AKT3: variants seen among roughly 807,000 people sequenced by gnomAD.
AKT3 encodes the protein RAC-gamma serine/threonine-protein kinase.
A neutral mutation model predicts 65.3 loss-of-function variants in AKT3; 15 were observed. That is an observed-to-expected ratio of 0.23 (90% CI 0.15 to 0.35). The LOEUF (loss-of-function observed/expected upper bound fraction) is 0.35, where lower values mean the gene tolerates loss of function less well. Among genes scored for constraint, AKT3 ranks in the 10% least tolerant of loss-of-function variants. The pLI, the probability that AKT3 is intolerant of heterozygous loss-of-function variation, is 1.00. For synonymous variants in AKT3, 206 were observed against 183.8 expected (o/e 1.12, Z -0.98); for missense variants, 243 against 576.5 (o/e 0.42, Z 5.92).
intron 6 of AKT3, among the ~76,000 whole-genome samples, chr1:243,616,088 G>A (rs1326015779): frequency 3.3e-5 from 5 of 151,438 alleles, no homozygotes; most frequent in Non-Finnish European, 7.4e-5. Context: ...GGTTTTTGGG[G>A]AGCAGGTGGT....
rs1467470573 is a variant in AKT3, at chr1:243,529,171, T to C, written c.1251+16339A>G. Among the ~76,000 whole-genome samples the C allele has an allele frequency of 2.0e-5, 3 of 151,828 alleles. No homozygotes were observed. The East Asian group carries it at 5.8e-4, about 29-fold the overall frequency. Reference sequence around the variant, plus strand: ...AGCTTTTTTTTTTTTTTTTGTAAATTTGTTTAAATTCCTTATAGATTCTGA... The same window carrying C: ...AGCTTTTTTTTTTTTTTTTGTAAATCTGTTTAAATTCCTTATAGATTCTGA... On this transcript the variant is annotated intron_variant, in intron 12 of 13. Coordinates refer to ENST00000673466, the MANE Select transcript of AKT3 (RefSeq NM_005465.7).
At chr1:243,783,866 GTAT>G (rs573433150) in intron 2 of AKT3, among the ~76,000 whole-genome samples, 7 of 152,064 alleles carry the variant, frequency 4.6e-5, no homozygotes, top group Non-Finnish European at 8.8e-5. Context: ...AATTATGCTA[GTAT>G]TATAAATAAA....
chr1:243,513,588 A>G (rs1670155271), intron 12 of AKT3, among the ~76,000 whole-genome samples: 1 of 152,226 alleles, frequency 6.6e-6, no homozygotes, highest in South Asian at 2.1e-4. Flanking sequence ...GAGCAGAATT[A>G]AAAGCAGGTT....
intron 13 of AKT3, among the ~76,000 whole-genome samples, chr1:243,491,919 C>G (rs913360305): frequency 6.6e-6 from 1 of 152,176 alleles, no homozygotes; most frequent in Admixed American, 6.5e-5. Context: ...TTTTGCATGT[C>G]AAACTCTAAA....
chr1:243,679,280 T>C (rs548074135), intron 3 of AKT3, among the ~76,000 whole-genome samples: 1 of 152,282 alleles, frequency 6.6e-6, no homozygotes, highest in South Asian at 2.1e-4. Context: ...ACAAGGATGT[T>C]TGACTACACA....
chr1:243,660,885 A>G (rs1230913285), intron 4 of AKT3, among the ~76,000 whole-genome samples: 1 of 152,194 alleles, frequency 6.6e-6, no homozygotes, highest in East Asian at 1.9e-4. Context: ...AAATCAATGT[A>G]CAGAAATCAC....
At chr1:243,708,999 T>C (rs1381999769) in intron 2 of AKT3, among the ~76,000 whole-genome samples, 3 of 152,008 alleles carry the variant, frequency 2.0e-5, no homozygotes, top group Non-Finnish European at 4.4e-5. Flanking sequence ...GGATTATCCA[T>C]TCTAGAATCT....
chr1:243,608,999 G>A (rs1375906575), intron 8 of AKT3, among the ~76,000 whole-genome samples: 2 of 151,462 alleles, frequency 1.3e-5, no homozygotes, highest in African/African-American at 4.9e-5. Context: ...TGATCTGCCC[G>A]CCTCAGCCTC....
In AKT3 at chr1:243,499,913, G is replaced by T; in HGVS notation, c.*5336C>A. ...CACCGCCTCAGCCTGCAGTGGGGCTGGTCCTCATCAACGCGGGCGCTGTCC... is the reference window on the plus strand; with the variant it reads ...CACCGCCTCAGCCTGCAGTGGGGCTTGTCCTCATCAACGCGGGCGCTGTCC... On this transcript the variant is annotated 3_prime_UTR_variant, in exon 14 of 14. Transcript: ENST00000673466. 3 of 876,420 alleles carry T rather than the reference G, an allele frequency of 3.4e-6. No individual in the cohort carries two copies. Among genetic ancestry groups the T allele is most frequent in the Non-Finnish European group, 5.6e-6 (3 of 535,674 alleles). 54.3% of individuals were successfully genotyped at this position (876,420 alleles called of 1,614,324 possible). A position where few individuals can be genotyped will look rare whatever the true frequency, so the allele number is the denominator to read the frequency against.
At chr1:243,509,946 G>A (rs1669916047) in intron 13 of AKT3, among the ~76,000 whole-genome samples, 1 of 152,106 alleles carries the variant, frequency 6.6e-6, no homozygotes, top group Non-Finnish European at 1.5e-5. Context: ...TCTGAGTCCT[G>A]GGCTTTTTCA....
rs138878161 is a variant in AKT3 at position 243,583,234 on chromosome 1, T to G, written c.697-10186A>C. On this transcript the variant is annotated intron_variant, in intron 8 of 13. Coordinates refer to ENST00000673466, the MANE Select transcript of AKT3 (RefSeq NM_005465.7). ...CACACATATATCTTCCATATATATA[T>G]CTCACATATATGTATGCACCCAATA... is the stretch of plus-strand genomic sequence containing the variant. Among the ~76,000 whole-genome samples the G allele has an allele frequency of 9.0e-3, 1,311 of 145,880 alleles. 28 individuals carry two copies. The highest frequency in any genetic ancestry group is 0.032 in the African/African-American group (1,259 of 39,264).
chr1:243,536,719 A>G (rs1671962673), intron 12 of AKT3, among the ~76,000 whole-genome samples: 1 of 152,160 alleles, frequency 6.6e-6, no homozygotes, highest in Non-Finnish European at 1.5e-5. Context: ...CAGAAATAAC[A>G]CTGGTTTTGA....
chr1:243,554,782 CT>C lies in AKT3; in HGVS notation c.949-1840del, dbSNP rs60836935. On this transcript the variant is annotated intron_variant, in intron 10 of 13. Coordinates refer to ENST00000673466, the MANE Select transcript of AKT3 (RefSeq NM_005465.7). Reference sequence around the variant, plus strand: ...AGGAGCCAAATGTGGTTTTTAACCTCTTTTTTTTTTCATAAAACCATAAAAA... The same window carrying C: ...AGGAGCCAAATGTGGTTTTTAACCTCTTTTTTTTTCATAAAACCATAAAAA... Among the ~76,000 whole-genome samples, 699 of 148,722 alleles carry C rather than the reference CT, an allele frequency of 4.7e-3. 4 individuals carry two copies. The highest frequency in any genetic ancestry group is 0.014 in the African/African-American group (557 of 40,648).
chr1:243,569,886 AG>A (rs1362513941), intron 9 of AKT3, among the ~76,000 whole-genome samples: 3 of 152,224 alleles, frequency 2.0e-5, no homozygotes, highest in African/African-American at 7.2e-5. Context: ...GCAGAAAAGA[AG>A]ATTTTAACAT....
chr1:243,595,295 C>T (rs370900378), intron 8 of AKT3, among the ~76,000 whole-genome samples: 2 of 152,124 alleles, frequency 1.3e-5, no homozygotes, highest in Non-Finnish European at 2.9e-5. Context: ...AACGATATAC[C>T]TGTCTATTGC....
chr1:243,630,670 TA>T (rs202077121), intron 6 of AKT3, among the ~76,000 whole-genome samples: 4 of 150,838 alleles, frequency 2.7e-5, no homozygotes, highest in African/African-American at 7.3e-5. Context: ...TGCTTTTTTT[TA>T]AAAAAAAAAT....
intron 12 of AKT3, among the ~76,000 whole-genome samples, chr1:243,526,082 T>C (rs1671051572): frequency 6.6e-6 from 1 of 151,776 alleles, no homozygotes; most frequent in Admixed American, 6.6e-5. Context: ...TAACTGAATT[T>C]CCCTGATTGT....
chr1:243,574,276 A>G (rs1376967532), intron 8 of AKT3, among the ~76,000 whole-genome samples: 1 of 150,978 alleles, frequency 6.6e-6, no homozygotes, highest in Admixed American at 6.6e-5. Context: ...ACTTAACAGC[A>G]TATTATAAGA....
chr1:243,527,870 AACAC>A lies in AKT3; in HGVS notation c.1252-15448_1252-15445del, dbSNP rs56956606. Among the ~76,000 whole-genome samples the A allele has an allele frequency of 6.2e-3, 616 of 99,164 alleles. 6 individuals are homozygous for A. The highest frequency in any genetic ancestry group is 0.015 in the South Asian group (38 of 2,606). The allele number at this position is 99,164 out of a possible 152,430, so 65.1% of individuals were successfully genotyped here. A position where few individuals can be genotyped will look rare whatever the true frequency, so the allele number is the denominator to read the frequency against. The stretch of plus-strand genomic sequence containing the variant: ...ATTACAGCAAGACTCCATCTCTTAA[AACAC>A]ACACACACACACACACACACACACA... On this transcript the variant is annotated intron_variant, in intron 12 of 13. Coordinates refer to ENST00000673466, the MANE Select transcript of AKT3 (RefSeq NM_005465.7).
Sources: allele counts gnomAD v4.1 joint callset (sites outside exome capture counted in the v4.1 genomes callset), GRCh38; gene constraint gnomAD v4.1.1; transcripts MANE v1.5; gene names NCBI Gene and HGNC (gene_info 2026-07-23, HGNC 2026-07-21).